DALRD3: variants seen among roughly 807,000 people sequenced by gnomAD.
DALRD3 encodes DALR anticodon-binding domain-containing protein 3.
Under a neutral mutation model 56.7 loss-of-function variants are expected in DALRD3, and 47 were observed. The ratio of observed to expected loss-of-function variants is 0.83; its 90% CI spans 0.66 to 1.06. DALRD3 has a LOEUF of 1.06. DALRD3 is among the 50% of genes least tolerant of loss of function. DALRD3 has a pLI of 0.00. For missense variants in DALRD3, 787 were observed against 724.0 expected (o/e 1.09, Z -1.00); for synonymous variants, 347 against 308.5 (o/e 1.12, Z -1.31).
Position 49,015,617 on chromosome 3 carries a change from G to A in DALRD3, c.1603C>T (p.Leu535=), listed in dbSNP as rs371125542. ...ATGTGGCTCAGTGGAGGGAGACCCA[G>A]CATAGCCAGGCCAGTATGGAGCACC... ...REVLHTGLAM[L]GLPPLSHI Residue 535 remains leucine (L), a synonymous_variant, in exon 12 of 12, where the codon CTG becomes TTG. Transcript: ENST00000341949. The A allele has an allele frequency of 1.9e-5, 31 of 1,614,164 alleles. No individual in the cohort carries two copies. The African/African-American group carries it at 2.9e-4, about 15-fold the overall frequency.
upstream of DALRD3, chr3:49,020,729 C>A: frequency 2.1e-6 from 1 of 471,406 alleles, no homozygotes; most frequent in Non-Finnish European, 4.4e-6. Context: ...GGCGGGGGAG[C>A]TCCTGCCCCC....
chr3:49,018,274 G>T lies in DALRD3; in HGVS notation c.210C>A (p.Pro70=). 1 of 1,445,404 alleles carries T rather than the reference G, an allele frequency of 6.9e-7. No homozygotes were observed. 89.5% of individuals were successfully genotyped at this position (1,445,404 alleles called of 1,614,324 possible). A position where few individuals can be genotyped will look rare whatever the true frequency, so the allele number is the denominator to read the frequency against. The change falls in exon 2 of 12, where the codon CCC becomes CCA. Residue 70 remains proline (P), a synonymous_variant. Transcript: ENST00000341949. ...CGCAGCGCAGCACCGGGGCCACACC[G>T]GGGCCCTGCAGGCAGGCGAGGGCAT... ...LLHALACLQG[P]GVAPVLRCAP... is the part of the protein sequence containing the mutation.
intron 1 of DALRD3, 23 bp from the exon 2 acceptor site, chr3:49,018,341 A>C (rs759498338): frequency 7.4e-6 from 11 of 1,495,748 alleles, no homozygotes; most frequent in African/African-American, 1.4e-5. Flanking sequence ...GGGCGTGTAA[A>C]AGAGCCACGG....
In DALRD3 at chr3:49,015,954, C is replaced by T; in HGVS notation, c.1443+19G>A. On this transcript the variant is annotated intron_variant, in intron 10 of 11. Transcript: ENST00000341949. The stretch of plus-strand genomic sequence containing the variant: ...AATAAAGAATAGAGTGTAGAGTGTC[C>T]TGGTTGTCTATGCCTCACCATCTCT... 3 of 1,614,106 alleles carry T rather than the reference C, an allele frequency of 1.9e-6. No individual in the cohort carries two copies. Among genetic ancestry groups the T allele is most frequent in the Non-Finnish European group, 1.7e-6 (2 of 1,179,998 alleles).
chr3:49,018,376 C>A (rs1267720426), intron 1 of DALRD3, 24 bp downstream of exon 1: 1 of 1,533,724 alleles, frequency 6.5e-7, no homozygotes, highest in South Asian at 1.2e-5. Context: ...CCCGGCCGCA[C>A]GGCCCCGCCC....
chr3:49,019,070 T>C (rs1044474991), upstream of DALRD3: 1 of 979,712 alleles, frequency 1.0e-6, no homozygotes. Context: ...GTTTGAGATA[T>C]GGGTGTTTTT....
chr3:49,019,141 TC>T (rs2093128933), upstream of DALRD3: 2 of 537,180 alleles, frequency 3.7e-6, no homozygotes, highest in African/African-American at 4.1e-5. Flanking sequence ...TGGCACGATC[TC>T]GGCTCACTGC....
Position 49,016,044 on chromosome 3 carries a change from C to G in DALRD3, c.1372G>C (p.Asp458His), listed in dbSNP as rs909941503. 2 of 1,600,308 alleles carry G rather than the reference C, an allele frequency of 1.2e-6. No homozygotes were observed. The highest frequency in any genetic ancestry group is 2.2e-5 in the South Asian group (2 of 89,532). Residue 458 changes from aspartate (D) to histidine (H), a missense_variant, in exon 10 of 12, where the codon GAT becomes CAT. Asp to His is a moderately conservative substitution (Grantham distance 81). Coordinates refer to ENST00000341949, the MANE Select transcript of DALRD3 (RefSeq NM_001009996.3). ...AGCACTGCTGTCCGGCTCAGCAGAT[C>G]CGGAAAGGGGAGGATACTGTTGAAG... ...LLFNSILPFPDLLSRTAVLDC... is the reference protein window; with the variant it reads ...LLFNSILPFPHLLSRTAVLDC...
At position 49,015,884 on chromosome 3, in the gene DALRD3, G is replaced by A. The variant is rs2106715177; in HGVS notation, c.1444-12C>T. On this transcript the variant is annotated splice_polypyrimidine_tract_variant and intron_variant, in intron 10 of 11. Transcript: ENST00000341949. Reference sequence around the variant, plus strand: ...AGGAACTTGCATATCTAGAGACAGAGACTGAGTCACTGGCCCATCTCTTTG... The same window carrying A: ...AGGAACTTGCATATCTAGAGACAGAAACTGAGTCACTGGCCCATCTCTTTG... 1 of 1,614,196 alleles carries A rather than the reference G, an allele frequency of 6.2e-7. No homozygotes were observed. The highest frequency in any genetic ancestry group is 2.2e-5 in the East Asian group (1 of 44,882).
chr3:49,018,207 C>T lies in DALRD3; in HGVS notation c.277G>A (p.Ala93Thr). 2 of 1,444,524 alleles carry T rather than the reference C, an allele frequency of 1.4e-6. No homozygotes were observed. Among genetic ancestry groups the T allele is most frequent in the Non-Finnish European group, 1.8e-6 (2 of 1,109,628 alleles). 89.5% of individuals were successfully genotyped at this position (1,444,524 alleles called of 1,614,324 possible). A position where few individuals can be genotyped will look rare whatever the true frequency, so the allele number is the denominator to read the frequency against. The change falls in exon 2 of 12, where the codon GCC becomes ACC. Residue 93 changes from alanine to threonine, a missense_variant. Transcript: ENST00000341949. ...GCGCTGAGGACGCGCTCGAAGACGG[C>T]GGACCGCTGCAGTTGGAGAGACAGA... ...AGLSLQLQRS[A>T]VFERVLSAVA...
At chr3:49,017,930 A>T in intron 2 of DALRD3, 61 bp from the exon 3 acceptor site, 1 of 1,536,578 alleles carries the variant, frequency 6.5e-7, no homozygotes, top group Non-Finnish European at 8.7e-7. Context: ...ACGACTTCCC[A>T]CCTCCAGCCG....
chr3:49,015,874 T>C lies in DALRD3; in HGVS notation c.1444-2A>G. On this transcript the variant is annotated splice_acceptor_variant, in intron 10 of 11. Coordinates refer to ENST00000341949, the MANE Select transcript of DALRD3 (RefSeq NM_001009996.3). LOFTEE classifies it high-confidence loss of function. ...GAGCTGTACCAGGAACTTGCATATC[T>C]AGAGACAGAGACTGAGTCACTGGCC... 6.2e-7 allele frequency: 1 copy of C among 1,614,212 alleles called. No individual in the cohort carries two copies. The highest frequency in any genetic ancestry group is 8.5e-7 in the Non-Finnish European group (1 of 1,180,046).
rs1324830182 is a variant in DALRD3, at chr3:49,017,493, C to T, written c.739G>A (p.Val247Met). The change falls in exon 4 of 12, where the codon GTG becomes ATG. Residue 247 changes from valine (V) to methionine (M), a missense_variant. Val to Met is a conservative substitution (Grantham distance 21, BLOSUM62 1). Transcript: ENST00000341949. ...NCLVTEDLLS[V>M]LAELQEALWH... ...AGAGCCTCTTGCAGCTCAGCCAGCA[C>T]AGAGAGGAGATCCTCAGTCACTGAA... is the stretch of plus-strand genomic sequence containing the variant. The T allele has an allele frequency of 8.7e-6, 14 of 1,614,116 alleles. No homozygotes were observed. Among genetic ancestry groups the T allele is most frequent in the Non-Finnish European group, 1.0e-5 (12 of 1,180,038 alleles).
In DALRD3 at chr3:49,017,847, C is replaced by T. The variant is rs373966327; in HGVS notation, c.484G>A (p.Ala162Thr). Residue 162 changes from alanine (A) to threonine (T), a missense_variant, in exon 3 of 12, where the codon GCT becomes ACT. Physicochemically the swap from Ala to Thr is moderately conservative, Grantham distance 58. Coordinates refer to ENST00000341949, the MANE Select transcript of DALRD3 (RefSeq NM_001009996.3). ...GTCAGCATGTGCGGATCCCGCACAG[C>T]TGGCACTAGGCGCACGCACACCCTG... is the stretch of plus-strand genomic sequence containing the variant. ...AHGVCVRLVP[A>T]VRDPHMLTFL... 2 of 1,604,964 alleles carry T rather than the reference C, an allele frequency of 1.2e-6. No homozygotes were observed. Among genetic ancestry groups the T allele is most frequent in the Non-Finnish European group, 1.7e-6 (2 of 1,179,564 alleles).
rs1414112672 is a variant in DALRD3 at position 49,016,100 on chromosome 3, A to G, written c.1330-14T>C. On this transcript the variant is annotated splice_polypyrimidine_tract_variant and intron_variant, in intron 9 of 11. Transcript: ENST00000341949. ...CAACCACTCACCCTGTTGGGGAGAA[A>G]GGTGCTGGGAGGGGAAGTCCAGGCC... is the stretch of plus-strand genomic sequence containing the variant. 1.9e-6 allele frequency: 3 copies of G among 1,606,610 alleles called. No homozygotes were observed. In the East Asian group the frequency reaches 6.7e-5, roughly 36 times the overall value.
chr3:49,015,674 C>T lies in DALRD3; in HGVS notation c.1546G>A (p.Val516Ile), dbSNP rs1426707920. 1.9e-6 allele frequency: 3 copies of T among 1,614,032 alleles called. No homozygotes were observed. Among genetic ancestry groups the T allele is most frequent in the East Asian group, 2.2e-5 (1 of 44,882 alleles). ...PRPHLFGQMF[V>I]RLQLLRAVRE... ...ACAGCTCTCAGAAGCTGCAGGCGGA[C>T]GAACATCTGACCAAAGAGGTGTGGT... Residue 516 changes from valine (V) to isoleucine (I), a missense_variant, in exon 12 of 12, where the codon GTC (valine) becomes ATC (isoleucine). Val to Ile is a conservative substitution (Grantham distance 29, BLOSUM62 3). Transcript: ENST00000341949.
chr3:49,020,426 C>T, upstream of DALRD3: 1 of 386,514 alleles, frequency 2.6e-6, no homozygotes, highest in Non-Finnish European at 5.3e-6. Context: ...CAGCCCTACC[C>T]AGAGGTCCTG....
Position 49,015,531 on chromosome 3 carries a change from C to T in DALRD3, c.*57G>A. 5 of 1,599,060 alleles carry T rather than the reference C, an allele frequency of 3.1e-6. No individual in the cohort carries two copies. In the South Asian group the frequency reaches 5.6e-5, roughly 18 times the overall value. On this transcript the variant is annotated 3_prime_UTR_variant, in exon 12 of 12. Coordinates refer to ENST00000341949, the MANE Select transcript of DALRD3 (RefSeq NM_001009996.3). ...AATTTATTTTGGCCGTGGGTTTTTGCTTTTTTTCCAGTTGATGACTTTGTG... is the reference window on the plus strand; with the variant it reads ...AATTTATTTTGGCCGTGGGTTTTTGTTTTTTTTCCAGTTGATGACTTTGTG...
upstream of DALRD3, chr3:49,019,098 A>G: frequency 1.1e-6 from 1 of 909,928 alleles, no homozygotes; most frequent in South Asian, 5.1e-5. Context: ...TTTGAGACGG[A>G]GTCTTGCTCT....
Sources: gnomAD v4.1 joint callset for allele counts on GRCh38, gnomAD v4.1.1 for gene constraint, MANE v1.5 for transcripts, NCBI Gene and HGNC (gene_info 2026-07-23, HGNC 2026-07-21) for gene names.